PTPRD: variants seen among roughly 807,000 people sequenced by gnomAD.
PTPRD encodes protein tyrosine phosphatase receptor type D.
Under a neutral mutation model 214.5 loss-of-function variants are expected in PTPRD, and 34 were observed. That is an observed-to-expected ratio of 0.16 (90% CI 0.12 to 0.21). The LOEUF is 0.21. Among genes scored for constraint, PTPRD ranks in the 10% least tolerant of loss-of-function variants. PTPRD has a pLI of 1.00. For missense variants in PTPRD, 2,545 were observed against 2,398.7 expected (o/e 1.06, Z -1.27); for synonymous variants, 1,128 against 845.7 (o/e 1.33, Z -5.79).
chr9:9,420,482 A>T (rs2078369986), intron 8 of PTPRD, among the ~76,000 whole-genome samples: 1 of 151,894 alleles, frequency 6.6e-6, no homozygotes, highest in African/African-American at 2.4e-5. Flanking sequence ...CTGCCATTAT[A>T]TTTTAAAATA....
chr9:9,758,148 CAAA>C, intron 6 of PTPRD, among the ~76,000 whole-genome samples: 1 of 114,934 alleles, frequency 8.7e-6, no homozygotes, highest in Admixed American at 9.0e-5. Context: ...GTAAAAATGG[CAAA>C]AAAAAAAAAA....
chr9:9,527,806 C>G (rs1259506298), intron 8 of PTPRD, among the ~76,000 whole-genome samples: 1 of 151,962 alleles, frequency 6.6e-6, no homozygotes, highest in Non-Finnish European at 1.5e-5. Flanking sequence ...CTGTGTTTGT[C>G]CTTTTAGACT....
intron 12 of PTPRD, among the ~76,000 whole-genome samples, chr9:8,702,964 G>A (rs10758987): frequency 0.27 from 40,983 of 152,126 alleles, 5,978 homozygotes; most frequent in East Asian, 0.48. Context: ...ATTTTGGGGA[G>A]AGTTAGCACT....
At chr9:9,782,014 G>C (rs1045916959) in intron 5 of PTPRD, among the ~76,000 whole-genome samples, 4 of 152,012 alleles carry the variant, frequency 2.6e-5, no homozygotes, top group South Asian at 2.1e-4. Flanking sequence ...GGATGGTCTC[G>C]ATCTCCTGAC....
chr9:10,224,784 A>G (rs2099583386), intron 3 of PTPRD, among the ~76,000 whole-genome samples: 1 of 152,018 alleles, frequency 6.6e-6, no homozygotes, highest in East Asian at 1.9e-4. Context: ...CCAACTCAGT[A>G]TGAACACAAT....
chr9:10,118,545 G>C (rs954945728), intron 3 of PTPRD, among the ~76,000 whole-genome samples: 3 of 151,634 alleles, frequency 2.0e-5, no homozygotes, highest in Admixed American at 6.6e-5. Context: ...TATCAGAAGT[G>C]ATACATGTAA....
intron 2 of PTPRD, among the ~76,000 whole-genome samples, chr9:10,493,215 CA>C (rs2040930179): frequency 1.3e-5 from 2 of 152,162 alleles, no homozygotes; most frequent in Admixed American, 6.6e-5. Flanking sequence ...ATCAAGCTAC[CA>C]TTGACTTTCT....
chr9:9,413,894 A>C (rs1332811), intron 8 of PTPRD, among the ~76,000 whole-genome samples: 84,246 of 152,070 alleles, frequency 0.55, 23,439 homozygotes, highest in South Asian at 0.6. Context: ...CTTTACATGT[A>C]ATACATAATT....
At chr9:8,663,577 G>A (rs1243542219) in intron 12 of PTPRD, among the ~76,000 whole-genome samples, 2 of 151,976 alleles carry the variant, frequency 1.3e-5, no homozygotes, top group African/African-American at 2.4e-5. Flanking sequence ...TGCAACCTAC[G>A]CCTTCTGGGT....
chr9:10,504,783 T>C (rs1398933174), intron 2 of PTPRD, among the ~76,000 whole-genome samples: 2 of 152,182 alleles, frequency 1.3e-5, no homozygotes, highest in East Asian at 3.9e-4. Context: ...TTATTCCTAA[T>C]TCATGTCCTT....
At chr9:8,819,194 A>G (rs1179807558) in intron 11 of PTPRD, among the ~76,000 whole-genome samples, 1 of 152,232 alleles carries the variant, frequency 6.6e-6, no homozygotes, top group African/African-American at 2.4e-5. Flanking sequence ...GTATTCCATT[A>G]TTAAGTGGAA....
At chr9:9,067,903 A>G (rs950318818) in intron 10 of PTPRD, among the ~76,000 whole-genome samples, 10 of 152,190 alleles carry the variant, frequency 6.6e-5, no homozygotes, top group Non-Finnish European at 1.0e-4. Flanking sequence ...TATTTAAACT[A>G]GAATGAAGAC....
At chr9:9,516,829 A>G (rs899337597) in intron 8 of PTPRD, among the ~76,000 whole-genome samples, 7 of 151,956 alleles carry the variant, frequency 4.6e-5, no homozygotes, top group African/African-American at 1.4e-4. Flanking sequence ...AGCCACCACA[A>G]TATCTTATTT....
intron 11 of PTPRD, among the ~76,000 whole-genome samples, chr9:8,885,786 C>A (rs1316991938): frequency 1.3e-5 from 2 of 152,052 alleles, no homozygotes; most frequent in African/African-American, 4.8e-5. Context: ...CGTGACCCAC[C>A]GTGCCCGGCC....
At position 10,231,912 on chromosome 9, in the gene PTPRD, T is replaced by A. The variant is rs1024212921; in HGVS notation, c.-545+109051A>T. On this transcript the variant is annotated intron_variant, in intron 3 of 45. Transcript: ENST00000381196. ...GTGACATTCTCTTGGTAGTGAATTA[T>A]CTTGCACTCTCCCAAGACTGTATTA... Among the ~76,000 whole-genome samples the A allele has an allele frequency of 2.6e-5, 4 of 151,198 alleles. No homozygotes were observed. In the East Asian group the frequency reaches 7.9e-4, roughly 30 times the overall value.
At chr9:9,405,680 T>G (rs1424994906) in intron 8 of PTPRD, among the ~76,000 whole-genome samples, 1 of 152,092 alleles carries the variant, frequency 6.6e-6, no homozygotes, top group East Asian at 1.9e-4. Context: ...GAATAAAGCA[T>G]GCTCTCTAGA....
intron 7 of PTPRD, among the ~76,000 whole-genome samples, chr9:9,665,727 A>T (rs1052881582): frequency 5.9e-5 from 9 of 151,810 alleles, no homozygotes; most frequent in African/African-American, 2.2e-4. Flanking sequence ...AGCCCACATT[A>T]ATGATATTAA....
At chr9:9,118,448 C>T (rs1402913622) in intron 10 of PTPRD, among the ~76,000 whole-genome samples, 2 of 152,056 alleles carry the variant, frequency 1.3e-5, no homozygotes, top group Non-Finnish European at 2.9e-5. Context: ...ATTTAGTACC[C>T]AGCAACTTTT....
chr9:10,291,106 G>T (rs2095514755), intron 3 of PTPRD, among the ~76,000 whole-genome samples: 2 of 149,738 alleles, frequency 1.3e-5, no homozygotes, highest in African/African-American at 4.9e-5. Flanking sequence ...GAGATATGAA[G>T]AAAAACTTCC....
Sources: allele counts gnomAD v4.1 joint callset (sites outside exome capture counted in the v4.1 genomes callset), GRCh38; gene constraint gnomAD v4.1.1; transcripts MANE v1.5; gene names NCBI Gene and HGNC (gene_info 2026-07-23, HGNC 2026-07-21).